Variants in HNRNPH1 observed in about 807,000 individuals in gnomAD.
The protein encoded by HNRNPH1 is heterogeneous nuclear ribonucleoprotein H1, also known as heterogeneous nuclear ribonucleoprotein H.
In HNRNPH1, 4 loss-of-function variants were observed where a neutral mutation model predicts 58.6. The observed-to-expected ratio is 0.07, with a 90% confidence interval of 0.03 to 0.16. HNRNPH1 has a LOEUF of 0.16. HNRNPH1 is among the 10% of genes least tolerant of loss of function. The pLI, the probability that HNRNPH1 is intolerant of heterozygous loss-of-function variation, is 1.00. For missense variants in HNRNPH1, 271 were observed against 564.2 expected, an observed-to-expected ratio of 0.48 and a Z score of 5.26; for synonymous variants, 192 against 189.2, an observed-to-expected ratio of 1.01 and a Z score of -0.12.
At chr5:179,619,483 G>T in intron 3 of HNRNPH1, 76 bp from the exon 5 acceptor site, 1 of 1,389,214 alleles carries the variant, frequency 7.2e-7, no homozygotes, top group Non-Finnish European at 9.9e-7. Flanking sequence ...TCTTCTTATA[G>T]CTTTAAATAA....
intron 2 of HNRNPH1, among the ~76,000 whole-genome samples, chr5:179,633,477 T>A (rs1775016147): frequency 6.8e-6 from 1 of 147,048 alleles, no homozygotes; most frequent in Admixed American, 6.8e-5. Context: ...TTTTTTTTTT[T>A]TTTTTTTTGT....
At chr5:179,623,038 A>G in exon 1 of HNRNPH1, 2 of 1,535,178 alleles carry the variant, frequency 1.3e-6, no homozygotes, top group Non-Finnish European at 8.8e-7. Flanking sequence ...CTAACTCACC[A>G]GAAAAAAACC....
intron 3 of HNRNPH1, chr5:179,620,111 AAC>A (rs1247751522): frequency 7.9e-5 from 12 of 152,214 alleles, no homozygotes; most frequent in African/African-American, 1.9e-4. Context: ...GTCAAAACAA[AAC>A]AGACTTGATT....
Position 179,616,111 on chromosome 5 carries a change from A to C in HNRNPH1, c.1300+15T>G. ...ACCATAACTTACTCTAAGTACAGTAACAAACAGGCTTTACCGTATCCACTC... is the reference window on the plus strand; with the variant it reads ...ACCATAACTTACTCTAAGTACAGTACCAAACAGGCTTTACCGTATCCACTC... On this transcript the variant is annotated intron_variant, in intron 11 of 12. Coordinates refer to ENST00000356731, the Ensembl canonical transcript of HNRNPH1. 1 of 1,600,604 alleles carries C rather than the reference A, an allele frequency of 6.2e-7. No homozygotes were observed. Among genetic ancestry groups the C allele is most frequent in the Non-Finnish European group, 8.6e-7 (1 of 1,167,644 alleles).
At chr5:179,624,444 G>T in exon 1 of HNRNPH1, 1 of 398,384 alleles carries the variant, frequency 2.5e-6, no homozygotes, top group Admixed American at 4.4e-5. Context: ...CGGTCGGCAG[G>T]CCTTGACTGC....
chr5:179,632,562 G>A (rs1774932446), intron 2 of HNRNPH1, among the ~76,000 whole-genome samples: 1 of 152,130 alleles, frequency 6.6e-6, no homozygotes, highest in Non-Finnish European at 1.5e-5. Flanking sequence ...CGTCCCCACA[G>A]TGTCCAGCCG....
chr5:179,622,414 G>GA (rs919517759), intron 1 of HNRNPH1, among the ~76,000 whole-genome samples: 2 of 152,100 alleles, frequency 1.3e-5, no homozygotes, highest in Non-Finnish European at 2.9e-5. Flanking sequence ...TTATCCTTTC[G>GA]AAAAAAGACA....
intron 7 of HNRNPH1, 71 bp from the exon 9 acceptor site, chr5:179,617,720 CAT>C (rs1770474195): frequency 2.5e-6 from 4 of 1,603,210 alleles, no homozygotes; most frequent in South Asian, 1.1e-5. Flanking sequence ...AAATTTCTAA[CAT>C]AGTGCTCACA....
intron 2 of HNRNPH1, among the ~76,000 whole-genome samples, chr5:179,631,220 G>A (rs1202203907): frequency 3.3e-5 from 5 of 152,030 alleles, no homozygotes; most frequent in East Asian, 1.9e-4. Flanking sequence ...TATACGTTAC[G>A]GTATATCTAT....
At chr5:179,614,605 A>G (rs1257349858) in exon 13 of HNRNPH1, 1 of 341,330 alleles carries the variant, frequency 2.9e-6, no homozygotes, top group African/African-American at 2.1e-5. Context: ...TAACTTGAGA[A>G]AAGCTGGAAC....
chr5:179,627,127 C>T (rs1039820726), upstream of HNRNPH1, among the ~76,000 whole-genome samples: 1 of 152,126 alleles, frequency 6.6e-6, no homozygotes, highest in Non-Finnish European at 1.5e-5. Context: ...TTTATTAAGG[C>T]TGTTAGCCCT....
At chr5:179,616,567 T>C (rs551309301) in intron 10 of HNRNPH1, 1 of 510,940 alleles carries the variant, frequency 2.0e-6, no homozygotes, top group East Asian at 3.4e-5. Flanking sequence ...CACCTAATTA[T>C]GCCCACATTT....
chr5:179,616,744 T>G, intron 10 of HNRNPH1, 125 bp downstream of exon 11: 1 of 803,922 alleles, frequency 1.2e-6, no homozygotes, highest in Non-Finnish European at 2.0e-6. Flanking sequence ...AAAACTCAAA[T>G]ATCAAGAAAC....
Position 179,620,872 on chromosome 5 carries a change from C to CAA in HNRNPH1, c.397+18_397+19dup. ...AAGCTAGCCAAAACTCACTGCTCAGCAACAAACATGACTACATACCTGAGA... is the reference window on the plus strand; with the variant it reads ...AAGCTAGCCAAAACTCACTGCTCAGCAAAACAAACATGACTACATACCTGAGA... On this transcript the variant is annotated intron_variant, in intron 3 of 12. Coordinates refer to ENST00000356731, the Ensembl canonical transcript of HNRNPH1. The CAA allele has an allele frequency of 6.2e-7, 1 of 1,612,016 alleles. No homozygotes were observed. The highest frequency in any genetic ancestry group is 8.5e-7 in the Non-Finnish European group (1 of 1,178,628).
Position 179,622,521 on chromosome 5 carries a change from G to A in HNRNPH1, c.97+516C>T, listed in dbSNP as rs538046548. Among the ~76,000 whole-genome samples, 19 of 152,242 alleles carry A rather than the reference G, an allele frequency of 1.2e-4. No individual in the cohort carries two copies. In the South Asian group the frequency reaches 3.9e-3, roughly 32 times the overall value. On this transcript the variant is annotated intron_variant, in intron 1 of 12. Transcript: ENST00000356731. ...AGGTCAGATGTTCGAGACCAGCCTG[G>A]CCAAAATAGTGAAACCCCGTCTCTA...
chr5:179,623,150 C>T lies in HNRNPH1; in HGVS notation c.-17G>A, dbSNP rs758122998. On this transcript the variant is annotated 5_prime_UTR_variant, in exon 1 of 13. Coordinates refer to ENST00000356731, the Ensembl canonical transcript of HNRNPH1. ...CAACATCATCGTCTCTTACGCGGTC[C>T]GGCGTCGAAACAAACTGCAAAGCGG... 7 of 1,585,786 alleles carry T rather than the reference C, an allele frequency of 4.4e-6. No homozygotes were observed. In the African/African-American group the frequency reaches 5.4e-5, roughly 12 times the overall value.
chr5:179,618,923 G>GA, intron 4 of HNRNPH1: 1 of 167,164 alleles, frequency 6.0e-6, no homozygotes, highest in Non-Finnish European at 1.3e-5. Flanking sequence ...AACAAGATCA[G>GA]AAAGTATCAC....
exon 1 of HNRNPH1, chr5:179,624,509 C>T (rs1168794744): frequency 1.5e-5 from 6 of 398,650 alleles, no homozygotes; most frequent in African/African-American, 1.0e-4. Flanking sequence ...GGGTGCGCGC[C>T]GGCCTCTGCG....
chr5:179,625,107 TGA>T (rs1774243021), upstream of HNRNPH1, among the ~76,000 whole-genome samples: 1 of 151,886 alleles, frequency 6.6e-6, no homozygotes, highest in African/African-American at 2.4e-5. Context: ...GCAGGCAGGG[TGA>T]ATGACGGTAC....
Sources: gnomAD v4.1 joint callset for allele counts (sites outside exome capture counted in the v4.1 genomes callset) on GRCh38, gnomAD v4.1.1 for gene constraint, MANE v1.5 for transcripts, NCBI Gene and HGNC (gene_info 2026-07-23, HGNC 2026-07-21) for gene names.